AFF2: variants seen among roughly 807,000 people sequenced by gnomAD.
AFF2 encodes AF4/FMR2 family member 2.
AFF2 carries 14 observed loss-of-function variants against 76.9 expected under a neutral mutation model. The observed-to-expected ratio is 0.18, with a 90% CI of 0.12 to 0.28. The LOEUF is 0.28. Ranked by LOEUF, AFF2 falls within the 10% of genes least tolerant of loss-of-function variation. The probability of loss-of-function intolerance (pLI) is 1.00; values close to 1 mark genes in which losing one functional copy is unlikely to be tolerated. For missense variants in AFF2, 868 were observed against 1,001.1 expected (o/e 0.87, Z 1.79); for synonymous variants, 398 against 366.7 (o/e 1.09, Z -0.98).
intron 1 of AFF2, among the ~76,000 whole-genome samples, chrX:148,648,468 A>C (rs1335484254): frequency 9.6e-6 from 1 of 104,486 alleles, no homozygotes; most frequent in African/African-American, 3.5e-5. Flanking sequence ...AGGCTGAGGC[A>C]GGAGAATCGC....
chrX:148,618,045 T>G (rs1267759232), intron 1 of AFF2, among the ~76,000 whole-genome samples: 1 of 111,772 alleles, frequency 8.9e-6, no homozygotes, highest in Non-Finnish European at 1.9e-5. Flanking sequence ...TATATTTATG[T>G]GTGTATATAT....
At chrX:148,687,809 A>G (rs782037235) in intron 3 of AFF2, among the ~76,000 whole-genome samples, 18 of 110,946 alleles carry the variant, frequency 1.6e-4, no homozygotes, top group Non-Finnish European at 3.0e-4. Flanking sequence ...AGACGTATGT[A>G]TGGTAAGTCA....
chrX:148,731,619 C>A (rs1427874684), intron 3 of AFF2, among the ~76,000 whole-genome samples: 1 of 110,234 alleles, frequency 9.1e-6, no homozygotes, highest in Non-Finnish European at 1.9e-5. Context: ...AAGAAACTAC[C>A]CTCAGAGTGA....
At chrX:148,753,629 G>A (rs1557266665) in intron 3 of AFF2, among the ~76,000 whole-genome samples, 1 of 112,208 alleles carries the variant, frequency 8.9e-6, no homozygotes, top group Non-Finnish European at 1.9e-5. Flanking sequence ...GGGGAAGACA[G>A]TGATGTCTCT....
Position 148,973,546 on chromosome X carries a change from C to T in AFF2, c.3343C>T (p.Arg1115Cys), listed in dbSNP as rs782647821. The T allele has an allele frequency of 8.3e-7, 1 of 1,209,632 alleles. No individual in the cohort carries two copies. The highest frequency in any genetic ancestry group is 1.1e-6 in the Non-Finnish European group (1 of 894,885). ...SFTECGNAME[R>C]DPLEAKSPYT... The stretch of plus-strand genomic sequence containing the variant: ...CACTGAATGTGGCAATGCCATGGAA[C>T]GCGACCCTCTGGAAGCAAAGTCCCC... The change falls in exon 16 of 21, where the codon CGC becomes TGC. Residue 1115 changes from arginine (R) to cysteine (C), a missense_variant. Coordinates refer to ENST00000370460, the MANE Select transcript of AFF2 (RefSeq NM_002025.4).
At chrX:148,501,407 C>T (rs2124174679) in intron 1 of AFF2, among the ~76,000 whole-genome samples, 1 of 112,749 alleles carries the variant, frequency 8.9e-6, no homozygotes, top group Non-Finnish European at 1.9e-5. Context: ...TGGCTCACAT[C>T]GAATTCGGTG....
At chrX:148,702,391 C>T (rs2054811074) in intron 3 of AFF2, among the ~76,000 whole-genome samples, 2 of 111,679 alleles carry the variant, frequency 1.8e-5, no homozygotes, top group Non-Finnish European at 3.8e-5. Flanking sequence ...GTTAAAGAGA[C>T]ATTGGTGAGG....
At chrX:148,892,368 C>G (rs2071232969) in intron 8 of AFF2, among the ~76,000 whole-genome samples, 1 of 39,325 alleles carries the variant, frequency 2.5e-5, no homozygotes, top group Admixed American at 4.7e-4. Context: ...TTACTAATTA[C>G]CGAACACAAA....
At chrX:148,538,813 A>G (rs1557236998) in intron 1 of AFF2, among the ~76,000 whole-genome samples, 4 of 112,077 alleles carry the variant, frequency 3.6e-5, no homozygotes, top group African/African-American at 1.3e-4. Context: ...TCAGACAGCT[A>G]AGTAAATGAC....
intron 3 of AFF2, among the ~76,000 whole-genome samples, chrX:148,765,607 C>A (rs782630950): frequency 1.6e-4 from 18 of 111,558 alleles, no homozygotes; most frequent in African/African-American, 5.8e-4. Flanking sequence ...CCACCTAGGG[C>A]TCTTTAAAAC....
chrX:148,914,373 T>G (rs1557282306), intron 9 of AFF2, among the ~76,000 whole-genome samples: 1 of 111,852 alleles, frequency 8.9e-6, no homozygotes, highest in African/African-American at 3.3e-5. Context: ...TTGTTGCATG[T>G]GCCAGTATAC....
chrX:148,665,402 G>A (rs1404510107), intron 3 of AFF2, among the ~76,000 whole-genome samples: 1 of 111,797 alleles, frequency 8.9e-6, no homozygotes, highest in Non-Finnish European at 1.9e-5. Flanking sequence ...TGGGCCAGGT[G>A]CAATAAAGTC....
intron 3 of AFF2, among the ~76,000 whole-genome samples, chrX:148,801,538 C>T (rs1217849187): frequency 2.7e-5 from 3 of 111,596 alleles, no homozygotes; most frequent in African/African-American, 9.8e-5. Flanking sequence ...TACCTAGGCA[C>T]TCTGCCTTCC....
chrX:148,583,291 G>GTT (rs1569551732), intron 1 of AFF2, among the ~76,000 whole-genome samples: 1 of 111,906 alleles, frequency 8.9e-6, no homozygotes, highest in African/African-American at 3.2e-5. Flanking sequence ...AAAAACTGAA[G>GTT]TTTCCCTCAC....
At chrX:148,637,947 CAG>C (rs1313404061) in intron 1 of AFF2, among the ~76,000 whole-genome samples, 3 of 109,516 alleles carry the variant, frequency 2.7e-5, no homozygotes, top group Non-Finnish European at 5.7e-5. Context: ...ACTGCAGAGA[CAG>C]AGCCACAGAA....
At chrX:148,874,066 A>T (rs781913145) in intron 7 of AFF2, among the ~76,000 whole-genome samples, 1 of 111,760 alleles carries the variant, frequency 8.9e-6, no homozygotes, top group Non-Finnish European at 1.9e-5. Context: ...TAGGATAGAA[A>T]TAGCCAAGTT....
intron 1 of AFF2, among the ~76,000 whole-genome samples, chrX:148,525,642 A>T (rs1557235106): frequency 1.8e-5 from 2 of 112,253 alleles, no homozygotes; most frequent in Non-Finnish European, 3.8e-5. Flanking sequence ...TGAATATAGT[A>T]ATTTAACACT....
At chrX:148,770,707 G>T (rs1165991967) in intron 3 of AFF2, among the ~76,000 whole-genome samples, 1 of 111,942 alleles carries the variant, frequency 8.9e-6, no homozygotes, top group Non-Finnish European at 1.9e-5. Context: ...CCTTTGTGAG[G>T]ATGGTAAAAC....
At chrX:148,887,231 G>A (rs2071169820) in intron 8 of AFF2, among the ~76,000 whole-genome samples, 1 of 112,772 alleles carries the variant, frequency 8.9e-6, no homozygotes, top group Non-Finnish European at 1.9e-5. Flanking sequence ...AGGGCTTGCT[G>A]TACATTTACT....
Sources: allele counts gnomAD v4.1 joint callset (sites outside exome capture counted in the v4.1 genomes callset), GRCh38; gene constraint gnomAD v4.1.1; transcripts MANE v1.5; gene names NCBI Gene and HGNC (gene_info 2026-07-23, HGNC 2026-07-21).